Variants in COMMD10 observed in about 807,000 individuals in gnomAD.
The protein encoded by COMMD10 is COMM domain containing 10.
COMMD10 carries 33 observed loss-of-function variants against 28.9 expected under a neutral mutation model. That is an observed-to-expected ratio of 1.14 (90% confidence interval 0.87 to 1.53). The LOEUF (loss-of-function observed/expected upper bound fraction) is 1.53. Among genes scored for constraint, COMMD10 ranks in the 40% most tolerant of loss-of-function variants. The pLI, the probability that COMMD10 is intolerant of heterozygous loss-of-function variation, is 0.00. For missense variants in COMMD10, 310 were observed against 233.4 expected, an observed-to-expected ratio of 1.33 and a Z score of -2.14; for synonymous variants, 110 against 81.7, an observed-to-expected ratio of 1.35 and a Z score of -1.87.
At chr5:116,212,800 T>C (rs1237632115) in intron 5 of COMMD10, among the ~76,000 whole-genome samples, 1 of 152,102 alleles carries the variant, frequency 6.6e-6, no homozygotes, top group Non-Finnish European at 1.5e-5. Context: ...AAATGTATGT[T>C]AGAATTTTAA....
In COMMD10 at chr5:116,091,250, T is replaced by C. The variant is rs1750290474; in HGVS notation, c.243+61T>C. ...TGTTTACTACATATTTGTATTGTTA[T>C]GATATCTATGACATTCTGTTTTTTT... is the stretch of plus-strand genomic sequence containing the variant. On this transcript the variant is annotated intron_variant, in intron 3 of 6. Coordinates refer to ENST00000274458, the MANE Select transcript of COMMD10 (RefSeq NM_016144.4). 12 of 813,624 alleles carry C rather than the reference T, an allele frequency of 1.5e-5. No homozygotes were observed. In the East Asian group the frequency reaches 3.0e-4, roughly 20 times the overall value. 50.4% of individuals were successfully genotyped at this position (813,624 alleles called of 1,614,324 possible).
chr5:116,217,287 G>A (rs1749131941), intron 5 of COMMD10, among the ~76,000 whole-genome samples: 1 of 151,878 alleles, frequency 6.6e-6, no homozygotes, highest in Non-Finnish European at 1.5e-5. Flanking sequence ...TGGGCAGACA[G>A]TCATTAACAG....
intron 5 of COMMD10, among the ~76,000 whole-genome samples, chr5:116,273,152 A>G (rs1041613962): frequency 2.8e-4 from 42 of 151,856 alleles, no homozygotes; most frequent in Non-Finnish European, 5.1e-4. Flanking sequence ...TGAATGTCCT[A>G]TCCTTCTTAG....
chr5:116,201,727 A>G (rs1202139198), intron 5 of COMMD10, among the ~76,000 whole-genome samples: 2 of 152,154 alleles, frequency 1.3e-5, no homozygotes, highest in African/African-American at 4.8e-5. Flanking sequence ...CATGGACTGC[A>G]CTGCAGCATT....
At chr5:116,105,787 G>A (rs1750816207) in intron 4 of COMMD10, among the ~76,000 whole-genome samples, 1 of 152,174 alleles carries the variant, frequency 6.6e-6, no homozygotes, top group East Asian at 1.9e-4. Context: ...TTGTATTTCT[G>A]TGGGATCAGT....
Position 116,261,161 on chromosome 5 carries a change from T to G in COMMD10, c.511-30356T>G, listed in dbSNP as rs534634538. On this transcript the variant is annotated intron_variant, in intron 5 of 6. Transcript: ENST00000274458. ...CATATTTCAGGAAGAAAACTATAAC[T>G]AATTAAATTTCTCAGTACTACCTAA... 4.6e-5 allele frequency among the ~76,000 whole-genome samples: 7 copies of G among 151,912 alleles called. No individual in the cohort carries two copies. The East Asian group carries it at 1.4e-3, about 29-fold the overall frequency.
chr5:116,126,229 AC>A lies in COMMD10; in HGVS notation c.400-7837del, dbSNP rs577033644. Among the ~76,000 whole-genome samples the A allele has an allele frequency of 4.5e-3, 688 of 152,314 alleles. 8 individuals are homozygous for A. Among genetic ancestry groups the A allele is most frequent in the African/African-American group, 0.016 (657 of 41,554 alleles). Reference sequence around the variant, plus strand: ...ATCCAGCTTACAAGGGATGTGAAGGACCTCTTCAAGGAGAACTACAAACCAC... The same window carrying A: ...ATCCAGCTTACAAGGGATGTGAAGGACTCTTCAAGGAGAACTACAAACCAC... On this transcript the variant is annotated intron_variant, in intron 4 of 6. Coordinates refer to ENST00000274458, the MANE Select transcript of COMMD10 (RefSeq NM_016144.4).
chr5:116,121,894 A>G (rs1460085943), intron 4 of COMMD10, among the ~76,000 whole-genome samples: 1 of 152,092 alleles, frequency 6.6e-6, no homozygotes, highest in Non-Finnish European at 1.5e-5. Context: ...CCGTTTTCAG[A>G]TGGGTAGATT....
chr5:116,291,706 C>G (rs1751366774), intron 6 of COMMD10, 130 bp downstream of exon 6: 1 of 530,860 alleles, frequency 1.9e-6, no homozygotes, highest in Non-Finnish European at 3.3e-6. Context: ...TATAAAAGAC[C>G]TTATGTTTCA....
chr5:116,108,962 C>CCGTT (rs1219178298), intron 4 of COMMD10, among the ~76,000 whole-genome samples: 1 of 152,060 alleles, frequency 6.6e-6, no homozygotes, highest in Non-Finnish European at 1.5e-5. Context: ...ATCTCCTGAC[C>CCGTT]CGTTGTGCTT....
chr5:116,233,833 T>C (rs1052690200), intron 5 of COMMD10, among the ~76,000 whole-genome samples: 4 of 152,068 alleles, frequency 2.6e-5, no homozygotes, highest in African/African-American at 9.7e-5. Flanking sequence ...GGACAGATGA[T>C]GTAAAGCCAT....
Position 116,091,116 on chromosome 5 carries a change from T to C in COMMD10, c.170T>C (p.Leu57Pro). ...SSFSEEEEEK[L>P]QAAFSLEKQD... ...TTCAGTGAAGAAGAGGAAGAAAAAC[T>C]TCAAGCGGCATTTTCTCTAGAGAAA... The change falls in exon 3 of 7, where the codon CTT (leucine) becomes CCT (proline). Residue 57 changes from leucine to proline, a missense_variant. Coordinates refer to ENST00000274458, the MANE Select transcript of COMMD10 (RefSeq NM_016144.4). 6 of 1,612,488 alleles carry C rather than the reference T, an allele frequency of 3.7e-6. No homozygotes were observed. The highest frequency in any genetic ancestry group is 5.1e-6 in the Non-Finnish European group (6 of 1,179,096).
At chr5:116,290,189 C>T (rs181714060) in intron 5 of COMMD10, among the ~76,000 whole-genome samples, 1 of 151,864 alleles carries the variant, frequency 6.6e-6, no homozygotes, top group Non-Finnish European at 1.5e-5. Context: ...GGCTTATCAT[C>T]CTTCCTTAAC....
intron 5 of COMMD10, among the ~76,000 whole-genome samples, chr5:116,186,204 G>A (rs912348279): frequency 3.9e-5 from 6 of 151,988 alleles, no homozygotes; most frequent in South Asian, 2.1e-4. Flanking sequence ...TTCTCACCCC[G>A]CAGTCAAACT....
intron 5 of COMMD10, among the ~76,000 whole-genome samples, chr5:116,261,625 C>G (rs745797689): frequency 6.6e-6 from 1 of 151,784 alleles, no homozygotes; most frequent in Non-Finnish European, 1.5e-5. Context: ...CCTGCCTCTT[C>G]TTTCTTTTTA....
chr5:116,179,428 G>C (rs1747868235), intron 5 of COMMD10, among the ~76,000 whole-genome samples: 1 of 152,054 alleles, frequency 6.6e-6, no homozygotes, highest in Admixed American at 6.6e-5. Context: ...CTTTGGCCTG[G>C]TACTCTTTCC....
At chr5:116,265,326 C>G (rs563167940) in intron 5 of COMMD10, among the ~76,000 whole-genome samples, 1 of 151,578 alleles carries the variant, frequency 6.6e-6, no homozygotes, top group African/African-American at 2.4e-5. Flanking sequence ...CTTGATTATT[C>G]ATGTAAAGGG....
intron 5 of COMMD10, among the ~76,000 whole-genome samples, chr5:116,150,458 T>C (rs940641871): frequency 2.6e-5 from 4 of 152,090 alleles, no homozygotes; most frequent in African/African-American, 9.7e-5. Flanking sequence ...AGTATGGCTA[T>C]TTTCATGATA....
chr5:116,154,727 C>G (rs555687639), intron 5 of COMMD10, among the ~76,000 whole-genome samples: 2 of 152,160 alleles, frequency 1.3e-5, no homozygotes, highest in Admixed American at 6.6e-5. Flanking sequence ...GACCACAGAA[C>G]TTACTTTTCT....
Sources: allele counts gnomAD v4.1 joint callset (sites outside exome capture counted in the v4.1 genomes callset), GRCh38; gene constraint gnomAD v4.1.1; transcripts MANE v1.5; gene names NCBI Gene and HGNC (gene_info 2026-07-23, HGNC 2026-07-21).